The following ZNF654 variants were observed in gnomAD, a reference collection of about 807,000 sequenced individuals.
ZNF654 encodes the protein melanoma-associated antigen.
A neutral mutation model predicts 95.3 loss-of-function variants in ZNF654; 19 were observed. That is an observed-to-expected ratio of 0.20 (90% CI 0.14 to 0.29). ZNF654 has a LOEUF of 0.29. Ranked by LOEUF, ZNF654 falls within the 10% of genes least tolerant of loss-of-function variation. ZNF654 has a pLI of 1.00. For synonymous variants in ZNF654, 413 were observed against 457.9 expected (o/e 0.90, Z 1.25); for missense variants, 1,046 against 1,341.0 (o/e 0.78, Z 3.44).
chr3:88,140,027 A>G lies in ZNF654; in HGVS notation c.2358A>G (p.Lys786=). The G allele has an allele frequency of 6.2e-7, 1 of 1,613,806 alleles. No individual in the cohort carries two copies. Among genetic ancestry groups the G allele is most frequent in the Non-Finnish European group, 8.5e-7 (1 of 1,179,772 alleles). ...NVRQTVMKWS[K]GKCKFCQRQF... is the part of the protein sequence containing the mutation. ...GACAAACAGTAATGAAGTGGAGCAA[A>G]GGAAAATGCAAATTTTGTCAAAGGC... Residue 786 remains lysine (K), a synonymous_variant, in exon 8 of 9, where the codon AAA becomes AAG. Coordinates refer to ENST00000636215, the MANE Select transcript of ZNF654 (RefSeq NM_001350134.2).
intron 1 of ZNF654, among the ~76,000 whole-genome samples, chr3:88,071,555 G>C (rs1405100108): frequency 6.6e-6 from 1 of 152,222 alleles, no homozygotes; most frequent in African/African-American, 2.4e-5. Flanking sequence ...AGAATGGCGT[G>C]AACCTGGGAG....
chr3:88,138,673 A>C (rs1490411983), intron 7 of ZNF654, 32 bp from the exon 8 acceptor site: 9 of 1,205,736 alleles, frequency 7.5e-6, no homozygotes, highest in Non-Finnish European at 8.3e-6. Flanking sequence ...TTGGAAAAAA[A>C]GTATTTAGCA....
Position 88,140,562 on chromosome 3 carries a change from C to A in ZNF654, c.2893C>A (p.Pro965Thr). The A allele has an allele frequency of 6.2e-7, 1 of 1,613,588 alleles. No homozygotes were observed. The highest frequency in any genetic ancestry group is 8.5e-7 in the Non-Finnish European group (1 of 1,179,680). ...AGACCAAAAGATGCCTGACATAGAG[C>A]CAAATTCTGAAAATAATTGTAGTAG... ...LIDQKMPDIE[P>T]NSENNCSSSD... The change falls in exon 8 of 9, where the codon CCA (proline) becomes ACA (threonine). Residue 965 changes from proline to threonine, a missense_variant. Around this residue, in one of 9 missense-constraint regions of ZNF654, gnomAD observed 495 missense variants for 537.0 expected, o/e 0.92. Transcript: ENST00000636215.
rs1576183693 is a variant in ZNF654, at chr3:88,065,447, A to G, written c.186+5942A>G. On this transcript the variant is annotated intron_variant, in intron 1 of 8. Transcript: ENST00000636215. ...ATGTAATCCTATGTCCCTTTTCCCT[A>G]AACAATCATGTATTTAAAGAATATT... is the stretch of plus-strand genomic sequence containing the variant. Among the ~76,000 whole-genome samples the G allele has an allele frequency of 4.6e-5, 7 of 152,260 alleles. 2 individuals carry two copies. The highest frequency in any genetic ancestry group is 4.6e-4 in the Admixed American group (7 of 15,288).
chr3:88,077,688 ATACT>A (rs369281764), intron 1 of ZNF654, among the ~76,000 whole-genome samples: 813 of 56,010 alleles, frequency 0.015, 5 homozygotes, highest in African/African-American at 0.027. Flanking sequence ...ACATGCTGTA[ATACT>A]TACTATTTTT....
At chr3:88,115,782 T>C (rs1286414047) in intron 3 of ZNF654, among the ~76,000 whole-genome samples, 1 of 152,212 alleles carries the variant, frequency 6.6e-6, no homozygotes, top group Non-Finnish European at 1.5e-5. Context: ...TTTGCATTTC[T>C]CATATGATGC....
At chr3:88,091,851 G>A (rs1361795481) in intron 2 of ZNF654, among the ~76,000 whole-genome samples, 1 of 152,130 alleles carries the variant, frequency 6.6e-6, no homozygotes, top group African/African-American at 2.4e-5. Flanking sequence ...GGCCTCCTCA[G>A]CCATGTAGAA....
chr3:88,121,243 T>C (rs1292587208), intron 3 of ZNF654, among the ~76,000 whole-genome samples: 1 of 152,150 alleles, frequency 6.6e-6, no homozygotes, highest in East Asian at 1.9e-4. Context: ...TCAATCTATG[T>C]TTTCTTTAAT....
chr3:88,137,669 A>G (rs1472921506), intron 7 of ZNF654, among the ~76,000 whole-genome samples: 1 of 152,162 alleles, frequency 6.6e-6, no homozygotes, highest in African/African-American at 2.4e-5. Context: ...AGTGGGGAGA[A>G]AAACCTTCAG....
rs780613391 is a variant in ZNF654 at position 88,140,989 on chromosome 3, A to G, written c.3320A>G (p.Glu1107Gly). The G allele has an allele frequency of 6.2e-7, 1 of 1,612,938 alleles. No individual in the cohort carries two copies. The highest frequency in any genetic ancestry group is 1.1e-5 in the South Asian group (1 of 90,948). Reference protein sequence around the residue: ...LTTYCNAEALEAHLAQKKCQT... With the variant: ...LTTYCNAEALGAHLAQKKCQT... ...ACCTACTGTAATGCAGAAGCACTTG[A>G]GGCTCATCTTGCACAAAAGAAATGT... The change falls in exon 8 of 9, where the codon GAG becomes GGG. Residue 1107 changes from glutamate (E) to glycine (G), a missense_variant. This residue lies in a region of ZNF654 where 59 missense variants were observed against 73.0 expected (regional missense o/e 0.81). Transcript: ENST00000636215.
At chr3:88,061,020 A>G (rs1576171762) in intron 1 of ZNF654, among the ~76,000 whole-genome samples, 1 of 152,020 alleles carries the variant, frequency 6.6e-6, no homozygotes, top group Admixed American at 6.6e-5. Context: ...TTTTATTTTG[A>G]TAATTGGCAT....
rs538815589 is a variant in ZNF654, at chr3:88,139,129, A to C, written c.1460A>C (p.Lys487Thr). The C allele has an allele frequency of 1.6e-5, 20 of 1,285,828 alleles. No individual in the cohort carries two copies. In the South Asian group the frequency reaches 4.9e-4, roughly 32 times the overall value. The allele number at this position is 1,285,828 out of a possible 1,614,324, so 79.7% of individuals were successfully genotyped here. A position where few individuals can be genotyped will look rare whatever the true frequency, so the allele number is the denominator to read the frequency against. The change falls in exon 8 of 9, where the codon AAA (lysine) becomes ACA (threonine). Residue 487 changes from lysine (K) to threonine (T), a missense_variant. Physicochemically the swap from Lys to Thr is moderately conservative, Grantham distance 78. This residue lies in a region of ZNF654 where 100 missense variants were observed against 108.9 expected (regional missense o/e 0.92). Transcript: ENST00000636215. ...CTGGAAAATAATGCAGGTAATCTAA[A>C]AAGGACGGAGGAACAGCAAGGTTTG... ...STLENNAGNL[K>T]RTEEQQGLDE...
intron 2 of ZNF654, among the ~76,000 whole-genome samples, chr3:88,096,402 T>C (rs1040708066): frequency 6.6e-6 from 1 of 152,092 alleles, no homozygotes; most frequent in African/African-American, 2.4e-5. Context: ...TAACTACTGC[T>C]ATAGAGGATC....
chr3:88,134,069 T>C (rs752850091), intron 6 of ZNF654, among the ~76,000 whole-genome samples: 1 of 151,002 alleles, frequency 6.6e-6, no homozygotes, highest in Non-Finnish European at 1.5e-5. Context: ...TAGGAAGGTA[T>C]GAAACCTTGT....
At chr3:88,083,304 T>A (rs2107652622) in intron 1 of ZNF654, among the ~76,000 whole-genome samples, 1 of 152,346 alleles carries the variant, frequency 6.6e-6, no homozygotes, top group Admixed American at 6.5e-5. Flanking sequence ...TAGTTTTATG[T>A]TGTTTACATT....
chr3:88,105,633 AC>A (rs1221996306), intron 2 of ZNF654, among the ~76,000 whole-genome samples: 4 of 152,124 alleles, frequency 2.6e-5, no homozygotes, highest in African/African-American at 9.7e-5. Context: ...TGTATAACCT[AC>A]CCACAAAATC....
chr3:88,138,667 A>G (rs1158985372), intron 7 of ZNF654, 38 bp from the exon 8 acceptor site: 55 of 1,188,124 alleles, frequency 4.6e-5, no homozygotes, highest in Non-Finnish European at 5.4e-5. Flanking sequence ...ATTTTTTTGG[A>G]AAAAAAGTAT....
At chr3:88,095,005 C>A (rs1703976150) in intron 2 of ZNF654, among the ~76,000 whole-genome samples, 1 of 152,036 alleles carries the variant, frequency 6.6e-6, no homozygotes, top group African/African-American at 2.4e-5. Flanking sequence ...AGAATTTCTT[C>A]CAAGTTTGCT....
chr3:88,066,242 A>T (rs1707191774), intron 1 of ZNF654, among the ~76,000 whole-genome samples: 1 of 152,158 alleles, frequency 6.6e-6, no homozygotes, highest in Non-Finnish European at 1.5e-5. Context: ...CATGACTATT[A>T]TTGCTTTCCA....
Sources: allele counts gnomAD v4.1 joint callset (sites outside exome capture counted in the v4.1 genomes callset), GRCh38; gene constraint gnomAD v4.1.1; regional missense constraint gnomAD v4.1.1; transcripts MANE v1.5; gene names NCBI Gene and HGNC (gene_info 2026-07-23, HGNC 2026-07-21).